MRFAP1: variants seen among roughly 807,000 people sequenced by gnomAD.
MRFAP1 encodes MORF4 family-associated protein 1.
Under a neutral mutation model 9.3 loss-of-function variants are expected in MRFAP1, and 1 was observed. The observed-to-expected ratio is 0.11, with a 90% CI of 0.04 to 0.51. The LOEUF is 0.51. Ranked by LOEUF, MRFAP1 falls within the 20% of genes least tolerant of loss-of-function variation. The pLI, the probability that MRFAP1 is intolerant of heterozygous loss-of-function variation, is 0.94. For synonymous variants in MRFAP1, 101 were observed against 80.3 expected (o/e 1.26, Z -1.38); for missense variants, 180 against 178.6 (o/e 1.01, Z -0.04).
chr4:6,641,975 A>T lies in MRFAP1; in HGVS notation c.*258A>T, dbSNP rs1712854331. 1 of 152,610 alleles carries T rather than the reference A, an allele frequency of 6.6e-6. No homozygotes were observed. Among genetic ancestry groups the T allele is most frequent in the Non-Finnish European group, 1.5e-5 (1 of 68,044 alleles). The allele number at this position is 152,610 out of a possible 1,614,324, so 9.5% of individuals were successfully genotyped here. Reference sequence around the variant, plus strand: ...TACAGGAATTAGGGCCTAGATTGTAAGCTCTTGCAGCAGTCACATTTGTTC... The same window carrying T: ...TACAGGAATTAGGGCCTAGATTGTATGCTCTTGCAGCAGTCACATTTGTTC... On this transcript the variant is annotated 3_prime_UTR_variant, in exon 2 of 2. Transcript: ENST00000382581.
chr4:6,640,702 T>G lies in MRFAP1; in HGVS notation c.-161T>G. ...GGGACTCCATTTTGTTCGCCGTTAC[T>G]CTGCGCGTAAGTCGCTTGTCCGTGG... is the stretch of plus-strand genomic sequence containing the variant. On this transcript the variant is annotated 5_prime_UTR_variant, in exon 1 of 2. Coordinates refer to ENST00000382581, the MANE Select transcript of MRFAP1 (RefSeq NM_033296.3). The G allele has an allele frequency of 1.1e-6, 1 of 928,956 alleles. No individual in the cohort carries two copies. Among genetic ancestry groups the G allele is most frequent in the Middle Eastern group, 3.3e-4 (1 of 3,072 alleles). 57.5% of individuals were successfully genotyped at this position (928,956 alleles called of 1,614,324 possible). A position where few individuals can be genotyped will look rare whatever the true frequency, so the allele number is the denominator to read the frequency against.
In MRFAP1 at chr4:6,640,711, A is replaced by C. The variant is rs887721647; in HGVS notation, c.-152A>C. On this transcript the variant is annotated 5_prime_UTR_variant, in exon 1 of 2. Transcript: ENST00000382581. ...TTTTGTTCGCCGTTACTCTGCGCGTAAGTCGCTTGTCCGTGGCTTCTCTGA... is the reference window on the plus strand; with the variant it reads ...TTTTGTTCGCCGTTACTCTGCGCGTCAGTCGCTTGTCCGTGGCTTCTCTGA... 4.0e-6 allele frequency: 4 copies of C among 995,944 alleles called. No individual in the cohort carries two copies. Among genetic ancestry groups the C allele is most frequent in the South Asian group, 3.3e-5 (2 of 61,000 alleles). The allele number at this position is 995,944 out of a possible 1,614,324, so 61.7% of individuals were successfully genotyped here.
At chr4:6,641,398 C>G in intron 1 of MRFAP1, 140 bp downstream of exon 1, 1 of 1,095,162 alleles carries the variant, frequency 9.1e-7, no homozygotes, top group Admixed American at 3.1e-5. Flanking sequence ...CGATCTGGGC[C>G]CCGTCTTCGT....
Position 6,641,781 on chromosome 4 carries a change from G to A in MRFAP1, c.*64G>A, listed in dbSNP as rs1030291918. On this transcript the variant is annotated 3_prime_UTR_variant, in exon 2 of 2. Transcript: ENST00000382581. ...CTGGTGGAGATTGGCTGACACCCTGGAGAAGCCGAAACCAGAGAGCCTTTT... is the reference window on the plus strand; with the variant it reads ...CTGGTGGAGATTGGCTGACACCCTGAAGAAGCCGAAACCAGAGAGCCTTTT... 6.5e-6 allele frequency: 1 copy of A among 153,272 alleles called. No individual in the cohort carries two copies. The highest frequency in any genetic ancestry group is 2.4e-5 in the African/African-American group (1 of 41,464). 9.5% of individuals were successfully genotyped at this position (153,272 alleles called of 1,614,324 possible).
chr4:6,641,155 A>T lies in MRFAP1; in HGVS notation c.293A>T (p.Glu98Val). The change falls in exon 1 of 2, where the codon GAG becomes GTG. Residue 98 changes from glutamate to valine, a missense_variant. By Grantham distance (121) the Glu-to-Val change is moderately radical (BLOSUM62 -2). Coordinates refer to ENST00000382581, the MANE Select transcript of MRFAP1 (RefSeq NM_033296.3). Reference sequence around the variant, plus strand: ...GAGGGCCGGGCGGCCAAGAGGTGCGAGAAGGCCGAGGAGAAGGCCAAGGAG... The same window carrying T: ...GAGGGCCGGGCGGCCAAGAGGTGCGTGAAGGCCGAGGAGAAGGCCAAGGAG... ...AAEGRAAKRC[E>V]KAEEKAKEIA... 1 of 1,614,110 alleles carries T rather than the reference A, an allele frequency of 6.2e-7. No homozygotes were observed. Among genetic ancestry groups the T allele is most frequent in the Non-Finnish European group, 8.5e-7 (1 of 1,180,002 alleles).
rs1337165003 is a variant in MRFAP1, at chr4:6,642,699, A to G, written c.*982A>G. On this transcript the variant is annotated 3_prime_UTR_variant, in exon 2 of 2. Coordinates refer to ENST00000382581, the MANE Select transcript of MRFAP1 (RefSeq NM_033296.3). ...ATGTTAAAACAAACAAAAACTTACCATGTTAATAAAAGTATTCATTTGCTT... is the reference window on the plus strand; with the variant it reads ...ATGTTAAAACAAACAAAAACTTACCGTGTTAATAAAAGTATTCATTTGCTT... 8 of 152,300 alleles carry G rather than the reference A, an allele frequency of 5.3e-5. No individual in the cohort carries two copies. The highest frequency in any genetic ancestry group is 1.3e-4 in the Admixed American group (2 of 15,290). The allele number at this position is 152,300 out of a possible 1,614,324, so 9.4% of individuals were successfully genotyped here.
chr4:6,640,784 T>G lies in MRFAP1; in HGVS notation c.-79T>G. On this transcript the variant is annotated 5_prime_UTR_variant, in exon 1 of 2. Coordinates refer to ENST00000382581, the MANE Select transcript of MRFAP1 (RefSeq NM_033296.3). ...AAAGTTTTCAGGAATATTCGGGCTC[T>G]CTATTGCTAAGCATAGCGAGTGTCG... The G allele has an allele frequency of 6.7e-7, 1 of 1,499,066 alleles. No homozygotes were observed. Among genetic ancestry groups the G allele is most frequent in the Non-Finnish European group, 9.0e-7 (1 of 1,110,546 alleles). 92.9% of individuals were successfully genotyped at this position (1,499,066 alleles called of 1,614,324 possible). A position where few individuals can be genotyped will look rare whatever the true frequency, so the allele number is the denominator to read the frequency against.
Position 6,640,889 on chromosome 4 carries a change from G to T in MRFAP1, c.27G>T (p.Leu9=). The part of the protein sequence containing the change: MRPLDIVE[L]AEPEEVEVLE... ...TGCGGCCCCTGGACATCGTCGAGCT[G>T]GCGGAACCGGAGGAAGTGGAGGTGC... The change falls in exon 1 of 2, where the codon CTG becomes CTT. Residue 9 remains leucine (L), a synonymous_variant. Transcript: ENST00000382581. 6.2e-7 allele frequency: 1 copy of T among 1,611,322 alleles called. No homozygotes were observed. The highest frequency in any genetic ancestry group is 1.1e-5 in the South Asian group (1 of 90,954).
rs3207097 is a variant in MRFAP1, at chr4:6,641,054, C to T, written c.192C>T (p.Leu64=). ...AGCTGTGGGAGATGGACAATATGCT[C>T]ATCCAGATCAAAACGCAGGTGGAGG... The part of the protein sequence containing the change: ...RSKLWEMDNM[L]IQIKTQVEAS... The change falls in exon 1 of 2, where the codon CTC becomes CTT. Residue 64 remains leucine (L), a synonymous_variant. Coordinates refer to ENST00000382581, the MANE Select transcript of MRFAP1 (RefSeq NM_033296.3). 4.7e-4 allele frequency: 765 copies of T among 1,614,056 alleles called. 3 individuals carry two copies. Among genetic ancestry groups the T allele is most frequent in the Non-Finnish European group, 6.1e-4 (718 of 1,179,988 alleles).
rs1712777904 is a variant in MRFAP1, at chr4:6,640,690, G to A, written c.-173G>A. On this transcript the variant is annotated 5_prime_UTR_variant, in exon 1 of 2. Coordinates refer to ENST00000382581, the MANE Select transcript of MRFAP1 (RefSeq NM_033296.3). ...TGGTTGACGGCCGGGACTCCATTTT[G>A]TTCGCCGTTACTCTGCGCGTAAGTC... The A allele has an allele frequency of 2.5e-6, 2 of 792,588 alleles. No homozygotes were observed. The allele number at this position is 792,588 out of a possible 1,614,324, so 49.1% of individuals were successfully genotyped here.
chr4:6,641,424 G>C, intron 1 of MRFAP1, 166 bp downstream of exon 1: 2 of 872,830 alleles, frequency 2.3e-6, no homozygotes, highest in Non-Finnish European at 3.3e-6. Flanking sequence ...GTTTTTTGAC[G>C]GTGGCGGCGT....
rs530295771 is a variant in MRFAP1, at chr4:6,642,479, G to C, written c.*762G>C. On this transcript the variant is annotated 3_prime_UTR_variant, in exon 2 of 2. Transcript: ENST00000382581. ...TCTGTACAAGTTGATGTAATACCCTGATGCGTTTTAGAGGACTTGGCATAA... is the reference window on the plus strand; with the variant it reads ...TCTGTACAAGTTGATGTAATACCCTCATGCGTTTTAGAGGACTTGGCATAA... The C allele has an allele frequency of 1.3e-5, 2 of 152,756 alleles. No individual in the cohort carries two copies. The highest frequency in any genetic ancestry group is 2.1e-4 in the South Asian group (1 of 4,830). 9.5% of individuals were successfully genotyped at this position (152,756 alleles called of 1,614,324 possible).
Position 6,641,220 on chromosome 4 carries a change from C to G in MRFAP1, c.358C>G (p.Arg120Gly), listed in dbSNP as rs1470503746. 6.3e-7 allele frequency: 1 copy of G among 1,593,332 alleles called. No homozygotes were observed. The stretch of plus-strand genomic sequence containing the variant: ...AGAGATGCTGGTGGAGCTGGTCCGG[C>G]GGATAGAGAAGAGCGAGTCGTCGTG... ...MAEMLVELVR[R>G]IEKSESS Residue 120 changes from arginine to glycine, a missense_variant, in exon 1 of 2, where the codon CGG becomes GGG. By Grantham distance (125) the Arg-to-Gly change is moderately radical (BLOSUM62 -2). Coordinates refer to ENST00000382581, the MANE Select transcript of MRFAP1 (RefSeq NM_033296.3).
At position 6,642,557 on chromosome 4, in the gene MRFAP1, T is replaced by C. The variant is rs1712880809; in HGVS notation, c.*840T>C. 1 of 152,682 alleles carries C rather than the reference T, an allele frequency of 6.5e-6. No individual in the cohort carries two copies. Among genetic ancestry groups the C allele is most frequent in the South Asian group, 2.1e-4 (1 of 4,838 alleles). 9.5% of individuals were successfully genotyped at this position (152,682 alleles called of 1,614,324 possible). On this transcript the variant is annotated 3_prime_UTR_variant, in exon 2 of 2. Transcript: ENST00000382581. The stretch of plus-strand genomic sequence containing the variant: ...GGGCTTGGGGATGACAGTATGGAAC[T>C]GTCTGCATTGGACCCTAAACTGGAC...
chr4:6,641,225 A>G lies in MRFAP1; in HGVS notation c.363A>G (p.Ile121Met). ...TGCTGGTGGAGCTGGTCCGGCGGATAGAGAAGAGCGAGTCGTCGTGAGCGC... is the reference window on the plus strand; with the variant it reads ...TGCTGGTGGAGCTGGTCCGGCGGATGGAGAAGAGCGAGTCGTCGTGAGCGC... ...AEMLVELVRRIEKSESS is the reference protein window; with the variant it reads ...AEMLVELVRRMEKSESS Residue 121 changes from isoleucine to methionine, a missense_variant, in exon 1 of 2, where the codon ATA (isoleucine) becomes ATG (methionine). By Grantham distance (10) the Ile-to-Met change is conservative. Transcript: ENST00000382581. The G allele has an allele frequency of 1.3e-6, 2 of 1,589,530 alleles. No individual in the cohort carries two copies. The highest frequency in any genetic ancestry group is 1.7e-4 in the Middle Eastern group (1 of 5,950).
chr4:6,641,406 C>G, intron 1 of MRFAP1, 148 bp downstream of exon 1: 1 of 1,049,672 alleles, frequency 9.5e-7, no homozygotes. Flanking sequence ...GCCCCGTCTT[C>G]GTGTTTTGTT....
At position 6,641,071 on chromosome 4, in the gene MRFAP1, A is replaced by G; in HGVS notation, c.209A>G (p.Gln70Arg). ...AATATGCTCATCCAGATCAAAACGC[A>G]GGTGGAGGCCTCGGAGGAGAGCGCC... ...MDNMLIQIKTQVEASEESALN... is the reference protein window; with the variant it reads ...MDNMLIQIKTRVEASEESALN... The change falls in exon 1 of 2, where the codon CAG becomes CGG. Residue 70 changes from glutamine (Q) to arginine (R), a missense_variant. Transcript: ENST00000382581. 5.6e-6 allele frequency: 9 copies of G among 1,614,150 alleles called. No individual in the cohort carries two copies. Among genetic ancestry groups the G allele is most frequent in the Non-Finnish European group, 7.6e-6 (9 of 1,179,950 alleles).
Position 6,641,072 on chromosome 4 carries a change from G to T in MRFAP1, c.210G>T (p.Gln70His). The T allele has an allele frequency of 6.2e-7, 1 of 1,614,182 alleles. No individual in the cohort carries two copies. The highest frequency in any genetic ancestry group is 8.5e-7 in the Non-Finnish European group (1 of 1,179,964). ...ATATGCTCATCCAGATCAAAACGCA[G>T]GTGGAGGCCTCGGAGGAGAGCGCCC... is the stretch of plus-strand genomic sequence containing the variant. ...MDNMLIQIKT[Q>H]VEASEESALN... The change falls in exon 1 of 2, where the codon CAG (glutamine) becomes CAT (histidine). Residue 70 changes from glutamine (Q) to histidine (H), a missense_variant. Coordinates refer to ENST00000382581, the MANE Select transcript of MRFAP1 (RefSeq NM_033296.3).
At chr4:6,641,565 A>C (rs1712832256) in intron 1 of MRFAP1, 165 bp from the exon 2 acceptor site, 2 of 297,178 alleles carry the variant, frequency 6.7e-6, no homozygotes, top group Admixed American at 4.9e-5. Context: ...GAAATAGAGG[A>C]TTTTCGGGGA....
Sources: allele counts gnomAD v4.1 joint callset, GRCh38; gene constraint gnomAD v4.1.1; transcripts MANE v1.5; gene names NCBI Gene and HGNC (gene_info 2026-07-23, HGNC 2026-07-21).